The following LRP2 variants were observed in gnomAD, a reference collection of about 807,000 sequenced individuals.
LRP2 encodes the protein LDL receptor related protein 2, also known as low-density lipoprotein receptor-related protein 2.
Under a neutral mutation model 531.0 loss-of-function variants are expected in LRP2, and 172 were observed. That is an observed-to-expected ratio of 0.32 (90% CI 0.29 to 0.37). The LOEUF (loss-of-function observed/expected upper bound fraction) is 0.37, where lower values mean the gene tolerates loss of function less well. Among genes scored for constraint, LRP2 ranks in the 10% least tolerant of loss-of-function variants. The pLI is 1.00. For synonymous variants in LRP2, 1,992 were observed against 2,027.6 expected, an observed-to-expected ratio of 0.98 and a Z score of 0.47; for missense variants, 5,167 against 5,868.3, an observed-to-expected ratio of 0.88 and a Z score of 3.90.
chr2:169,211,627 A>G (rs892678660), intron 37 of LRP2, among the ~76,000 whole-genome samples: 18 of 152,090 alleles, frequency 1.2e-4, no homozygotes, highest in African/African-American at 4.3e-4. Context: ...CCTACATTCT[A>G]TATTGCTCTG....
At position 169,352,410 on chromosome 2, in the gene LRP2, A is replaced by T. The variant is rs187759752; in HGVS notation, c.79+9911T>A. On this transcript the variant is annotated intron_variant, in intron 1 of 78. Transcript: ENST00000649046. Reference sequence around the variant, plus strand: ...TAGCTAGCTTGTAACATTCCCATCCAAAAGAAAGAGATTTAACAGAGTATA... The same window carrying T: ...TAGCTAGCTTGTAACATTCCCATCCTAAAGAAAGAGATTTAACAGAGTATA... Among the ~76,000 whole-genome samples, 1,072 of 152,292 alleles carry T rather than the reference A, an allele frequency of 7.0e-3. 22 individuals carry two copies. The highest frequency in any genetic ancestry group is 0.065 in the South Asian group (312 of 4,818).
intron 52 of LRP2, among the ~76,000 whole-genome samples, chr2:169,178,510 C>T (rs539339762): frequency 6.6e-6 from 1 of 152,328 alleles, no homozygotes; most frequent in South Asian, 2.1e-4. Context: ...GAGATAGTTG[C>T]ATTCTCAGTA....
chr2:169,305,247 C>A (rs1029801314), intron 4 of LRP2, among the ~76,000 whole-genome samples: 1 of 152,042 alleles, frequency 6.6e-6, no homozygotes, highest in Non-Finnish European at 1.5e-5. Context: ...AAAAATGCAC[C>A]ATGTGGTCAT....
At chr2:169,331,040 G>C (rs980450612) in intron 1 of LRP2, among the ~76,000 whole-genome samples, 1 of 152,080 alleles carries the variant, frequency 6.6e-6, no homozygotes, top group Non-Finnish European at 1.5e-5. Flanking sequence ...TTCCAGGAAG[G>C]CCTGTTTCAC....
At position 169,175,301 on chromosome 2, in the gene LRP2, G is replaced by C. The variant is rs768458485; in HGVS notation, c.10660C>G (p.Arg3554Gly). The C allele has an allele frequency of 6.2e-7, 1 of 1,614,184 alleles. No individual in the cohort carries two copies. Among genetic ancestry groups the C allele is most frequent in the Non-Finnish European group, 8.5e-7 (1 of 1,180,030 alleles). Residue 3554 changes from arginine to glycine, a missense_variant, in exon 55 of 79, where the codon CGA becomes GGA. Arg to Gly is a moderately radical substitution (Grantham distance 125). This residue lies in a region of LRP2 where 311 missense variants were observed against 309.4 expected (regional missense o/e 1.01). Transcript: ENST00000649046. ...TCACTGCACTGGAACTGTCCCAGTC[G>C]GCAGAAGCGCTGCGGGCAAAGGGCC... ...ELALCPQRFC[R>G]LGQFQCSDGN...
At position 169,257,126 on chromosome 2, in the gene LRP2, C is replaced by A; in HGVS notation, c.2637G>T (p.Trp879Cys). The A allele has an allele frequency of 6.2e-7, 1 of 1,612,580 alleles. No individual in the cohort carries two copies. The highest frequency in any genetic ancestry group is 1.1e-5 in the South Asian group (1 of 91,032). ...CGGGGATGATGATTCCTACTTACGC[C>A]CAATCGATGGCCAAGCCATTGGGCC... ...LGWPNGLAIDWAASRLYWVDA... is the reference protein window; with the variant it reads ...LGWPNGLAIDCAASRLYWVDA... Residue 879 changes from tryptophan (W) to cysteine (C), a missense_variant and splice_region_variant, in exon 18 of 79, where the codon TGG becomes TGT. Coordinates refer to ENST00000649046, the MANE Select transcript of LRP2 (RefSeq NM_004525.3).
At chr2:169,338,392 GAAAGAAAGAAAGAAAGA>G (rs1424252134) in intron 1 of LRP2, among the ~76,000 whole-genome samples, 44 of 123,162 alleles carry the variant, frequency 3.6e-4, no homozygotes, top group African/African-American at 1.3e-3. Flanking sequence ...AAGAAAGAAA[GAAAGAAAGAAAGAAAGA>G]AAAGAAAAGA....
At chr2:169,211,099 A>T (rs549185047) in intron 37 of LRP2, among the ~76,000 whole-genome samples, 2 of 152,346 alleles carry the variant, frequency 1.3e-5, no homozygotes, top group South Asian at 4.1e-4. Context: ...TTAGATATGG[A>T]AAAACAAAGA....
intron 21 of LRP2, among the ~76,000 whole-genome samples, chr2:169,245,393 A>T (rs1233899309): frequency 6.6e-6 from 1 of 152,244 alleles, no homozygotes; most frequent in Non-Finnish European, 1.5e-5. Flanking sequence ...AAGTGCAAAT[A>T]GATAAAATAT....
At chr2:169,163,443 G>A (rs934287754) in intron 62 of LRP2, among the ~76,000 whole-genome samples, 1 of 152,128 alleles carries the variant, frequency 6.6e-6, no homozygotes, top group African/African-American at 2.4e-5. Context: ...TGTGAGACAC[G>A]AAGGCCCAAT....
At chr2:169,140,640 G>C (rs1436821141) in intron 71 of LRP2, 95 bp from the exon 72 acceptor site, 1 of 859,278 alleles carries the variant, frequency 1.2e-6, no homozygotes, top group East Asian at 2.5e-5. Flanking sequence ...TGGGAGGAGG[G>C]GCAGGCCAGC....
intron 34 of LRP2, among the ~76,000 whole-genome samples, chr2:169,219,502 C>T (rs1688911491): frequency 6.6e-6 from 1 of 152,204 alleles, no homozygotes; most frequent in Admixed American, 6.5e-5. Flanking sequence ...CTGGCCCTGG[C>T]CTCTCTCCAC....
chr2:169,313,282 G>A (rs1574247502), intron 3 of LRP2, among the ~76,000 whole-genome samples: 1 of 152,178 alleles, frequency 6.6e-6, no homozygotes, highest in Non-Finnish European at 1.5e-5. Flanking sequence ...AGGAGAAGAG[G>A]TGCTCTGATT....
chr2:169,151,612 G>T (rs942149614), intron 67 of LRP2, among the ~76,000 whole-genome samples: 1 of 152,156 alleles, frequency 6.6e-6, no homozygotes, highest in African/African-American at 2.4e-5. Context: ...CGGCAAGACT[G>T]TCCTGCCTTA....
intron 4 of LRP2, among the ~76,000 whole-genome samples, chr2:169,296,947 C>T (rs1684148422): frequency 6.6e-6 from 1 of 152,104 alleles, no homozygotes; most frequent in South Asian, 2.1e-4. Flanking sequence ...TTGTCTCCAT[C>T]CACACTGATA....
intron 1 of LRP2, among the ~76,000 whole-genome samples, chr2:169,324,424 C>T (rs748669394): frequency 7.9e-5 from 12 of 152,052 alleles, no homozygotes; most frequent in African/African-American, 1.2e-4. Context: ...GGCATAGAAT[C>T]CATAGTGCTT....
chr2:169,170,895 C>T (rs945902821), intron 58 of LRP2, among the ~76,000 whole-genome samples: 1 of 143,280 alleles, frequency 7.0e-6, no homozygotes, highest in African/African-American at 2.6e-5. Flanking sequence ...GATCTGATCT[C>T]TCTTTCTCTC....
At chr2:169,330,915 C>A (rs1293597350) in intron 1 of LRP2, among the ~76,000 whole-genome samples, 1 of 152,114 alleles carries the variant, frequency 6.6e-6, no homozygotes, top group Non-Finnish European at 1.5e-5. Context: ...AAACAGCAAT[C>A]CCACTCCTTC....
At chr2:169,358,898 CAAAAA>C (rs777233354) in intron 1 of LRP2, among the ~76,000 whole-genome samples, 1 of 115,912 alleles carries the variant, frequency 8.6e-6, no homozygotes, top group Non-Finnish European at 1.8e-5. Flanking sequence ...ACGATTTTCT[CAAAAA>C]AAAAAAAAAA....
Sources: allele counts gnomAD v4.1 joint callset (sites outside exome capture counted in the v4.1 genomes callset), GRCh38; gene constraint gnomAD v4.1.1; regional missense constraint gnomAD v4.1.1; transcripts MANE v1.5; gene names NCBI Gene and HGNC (gene_info 2026-07-23, HGNC 2026-07-21).